The following CLDN10 variants were observed in gnomAD, a reference collection of about 807,000 sequenced individuals.
The protein encoded by CLDN10 is claudin-10.
A neutral mutation model predicts 22.9 loss-of-function variants in CLDN10; 15 were observed. The ratio of observed to expected loss-of-function variants is 0.65; its 90% CI spans 0.44 to 1.01. The LOEUF is 1.01. CLDN10 is among the 50% of genes least tolerant of loss of function. The pLI is 0.00. For synonymous variants in CLDN10, 114 were observed against 111.4 expected (o/e 1.02, Z -0.15); for missense variants, 247 against 287.8 (o/e 0.86, Z 1.03).
At chr13:95,545,953 A>G (rs1256943227) in intron 1 of CLDN10, among the ~76,000 whole-genome samples, 1 of 152,210 alleles carries the variant, frequency 6.6e-6, no homozygotes, top group South Asian at 2.1e-4. Context: ...AAGTCTTCTT[A>G]CTGTGTGTGT....
chr13:95,529,053 T>C (rs2043314223), intron 1 of CLDN10, among the ~76,000 whole-genome samples: 1 of 152,176 alleles, frequency 6.6e-6, no homozygotes, highest in South Asian at 2.1e-4. Context: ...TTGTTGTTGT[T>C]GTTTTTAATG....
intron 1 of CLDN10, among the ~76,000 whole-genome samples, chr13:95,470,170 A>G (rs553644683): frequency 6.6e-6 from 1 of 152,206 alleles, no homozygotes; most frequent in Non-Finnish European, 1.5e-5. Flanking sequence ...GGATTAGTGA[A>G]TTCTTACCAG....
chr13:95,475,723 T>TG (rs2042678838), intron 1 of CLDN10, among the ~76,000 whole-genome samples: 3 of 152,150 alleles, frequency 2.0e-5, no homozygotes, highest in Admixed American at 2.0e-4. Flanking sequence ...GAAGCCAGCC[T>TG]GGGGTCTATC....
chr13:95,508,868 A>G (rs1392158175), intron 1 of CLDN10, among the ~76,000 whole-genome samples: 1 of 152,238 alleles, frequency 6.6e-6, no homozygotes, highest in East Asian at 1.9e-4. Flanking sequence ...GGGACTGAGG[A>G]ACTAGATGAG....
At chr13:95,463,285 A>AATATATATATATATATAT (rs200962205) in intron 1 of CLDN10, among the ~76,000 whole-genome samples, 5 of 40,096 alleles carry the variant, frequency 1.2e-4, no homozygotes, top group African/African-American at 3.0e-4. Context: ...GCAAATGCTT[A>AATATATATATATATATAT]ATATATATAT....
intron 1 of CLDN10, among the ~76,000 whole-genome samples, chr13:95,529,284 T>C (rs1186153767): frequency 1.3e-5 from 2 of 152,198 alleles, no homozygotes; most frequent in Non-Finnish European, 2.9e-5. Flanking sequence ...AGTAAGTTAG[T>C]GGTGCTTTCT....
intron 1 of CLDN10, among the ~76,000 whole-genome samples, chr13:95,522,933 T>C (rs998162809): frequency 1.3e-5 from 2 of 151,954 alleles, no homozygotes; most frequent in African/African-American, 4.8e-5. Flanking sequence ...AACTTTTCTT[T>C]ATCTTCATGT....
At chr13:95,548,764 G>A (rs954007397), upstream of CLDN10, among the ~76,000 whole-genome samples, 31 of 152,168 alleles carry the variant, frequency 2.0e-4, no homozygotes, top group African/African-American at 7.5e-4. Flanking sequence ...AGTTAATACC[G>A]TATCATCAGG....
At chr13:95,528,531 C>G (rs1233879729) in intron 1 of CLDN10, 1 of 152,182 alleles carries the variant, frequency 6.6e-6, no homozygotes, top group Non-Finnish European at 1.5e-5. Context: ...CCATATAGTA[C>G]AGCAAAGAAG....
At position 95,556,513 on chromosome 13, in the gene CLDN10, T is replaced by C. The variant is rs549533363; in HGVS notation, c.220+3540T>C. Reference sequence around the variant, plus strand: ...TTCTGCTTAGAATCCATTGTAGTATTATAATATGACGGGATGCTTTGATGA... The same window carrying C: ...TTCTGCTTAGAATCCATTGTAGTATCATAATATGACGGGATGCTTTGATGA... On this transcript the variant is annotated intron_variant, in intron 1 of 4. Coordinates refer to ENST00000299339, the MANE Select transcript of CLDN10 (RefSeq NM_006984.5). Among the ~76,000 whole-genome samples, 5 of 152,352 alleles carry C rather than the reference T, an allele frequency of 3.3e-5. No individual in the cohort carries two copies. In the East Asian group the frequency reaches 9.6e-4, roughly 29 times the overall value.
chr13:95,454,516 G>A (rs958698851), intron 1 of CLDN10, among the ~76,000 whole-genome samples: 1 of 152,134 alleles, frequency 6.6e-6, no homozygotes, highest in African/African-American at 2.4e-5. Context: ...CAGAACCACT[G>A]GTGCAGGCTC....
At chr13:95,555,333 C>T (rs1179271943) in intron 1 of CLDN10, among the ~76,000 whole-genome samples, 2 of 152,226 alleles carry the variant, frequency 1.3e-5, no homozygotes, top group Non-Finnish European at 2.9e-5. Flanking sequence ...CAGGTGTGCG[C>T]CACCGCGCCC....
At chr13:95,516,690 C>T (rs2043170772) in intron 1 of CLDN10, among the ~76,000 whole-genome samples, 2 of 152,192 alleles carry the variant, frequency 1.3e-5, no homozygotes, top group African/African-American at 4.8e-5. Flanking sequence ...AGGACTTCTT[C>T]GGGGCAGCAG....
At chr13:95,472,017 C>A (rs531964567) in intron 1 of CLDN10, among the ~76,000 whole-genome samples, 1 of 146,224 alleles carries the variant, frequency 6.8e-6, no homozygotes, top group African/African-American at 2.6e-5. Context: ...CTCCTGCAGT[C>A]AAGCGATCCT....
At chr13:95,532,318 T>A (rs1047438445) in intron 1 of CLDN10, among the ~76,000 whole-genome samples, 7 of 151,748 alleles carry the variant, frequency 4.6e-5, no homozygotes, top group Non-Finnish European at 1.0e-4. Context: ...AACAACTCAA[T>A]AGAAAAGGAG....
intron 1 of CLDN10, among the ~76,000 whole-genome samples, chr13:95,478,620 C>A (rs2042708496): frequency 6.6e-6 from 1 of 152,198 alleles, no homozygotes; most frequent in African/African-American, 2.4e-5. Context: ...TCTCCCCTCC[C>A]ATCCCCATTT....
chr13:95,561,279 A>T (rs1005509073), intron 3 of CLDN10, among the ~76,000 whole-genome samples: 8 of 152,210 alleles, frequency 5.3e-5, no homozygotes, highest in Admixed American at 4.6e-4. Context: ...CAAATTTTAT[A>T]GAATTTTTAA....
At chr13:95,444,742 ATT>A (rs1566647116) in intron 1 of CLDN10, among the ~76,000 whole-genome samples, 1 of 151,870 alleles carries the variant, frequency 6.6e-6, no homozygotes, top group African/African-American at 2.4e-5. Context: ...TCCCTCATCT[ATT>A]TTTTGTTTTT....
intron 1 of CLDN10, among the ~76,000 whole-genome samples, chr13:95,438,975 CAAAAAA>C (rs397851895): frequency 1.1e-3 from 69 of 62,194 alleles, no homozygotes; most frequent in East Asian, 1.8e-3. Flanking sequence ...GACTCCATCG[CAAAAAA>C]AAAAAAAAAA....
Sources: allele counts gnomAD v4.1 joint callset (sites outside exome capture counted in the v4.1 genomes callset), GRCh38; gene constraint gnomAD v4.1.1; transcripts MANE v1.5; gene names NCBI Gene and HGNC (gene_info 2026-07-23, HGNC 2026-07-21).